The following SLF1 variants were observed in gnomAD, a reference collection of about 807,000 sequenced individuals.
SLF1 encodes the protein SMC5/6 complex localization factor 1.
Under a neutral mutation model 123.0 loss-of-function variants are expected in SLF1, and 105 were observed. The ratio of observed to expected loss-of-function variants is 0.85; its 90% CI spans 0.73 to 1.00. The LOEUF is 1.00. Ranked by LOEUF, SLF1 falls within the 50% of genes least tolerant of loss-of-function variation. SLF1 has a pLI of 0.00. For missense variants in SLF1, 1,239 were observed against 1,223.0 expected (o/e 1.01, Z -0.20); for synonymous variants, 434 against 406.6 (o/e 1.07, Z -0.81).
At chr5:94,680,011 G>C (rs189696908) in intron 15 of SLF1, among the ~76,000 whole-genome samples, 1 of 151,706 alleles carries the variant, frequency 6.6e-6, no homozygotes, top group Admixed American at 6.6e-5. Context: ...GTTTTTTTGT[G>C]GTTCTTACCT....
chr5:94,672,520 A>AT (rs34801795), intron 14 of SLF1, among the ~76,000 whole-genome samples: 103 of 139,570 alleles, frequency 7.4e-4, no homozygotes, highest in African/African-American at 2.0e-3. Flanking sequence ...CCCCATATAG[A>AT]TTTTTTTTTT....
intron 1 of SLF1, among the ~76,000 whole-genome samples, chr5:94,624,377 G>T (rs1792049548): frequency 6.6e-6 from 1 of 152,110 alleles, no homozygotes; most frequent in Non-Finnish European, 1.5e-5. Context: ...GACAGAAAAT[G>T]CTGTTAAATA....
At chr5:94,645,956 A>G (rs1221796507) in intron 5 of SLF1, among the ~76,000 whole-genome samples, 2 of 152,204 alleles carry the variant, frequency 1.3e-5, no homozygotes, top group Non-Finnish European at 2.9e-5. Context: ...ATGTAAAATG[A>G]CTGAGTTAAT....
intron 4 of SLF1, among the ~76,000 whole-genome samples, chr5:94,635,283 ACT>A (rs1745628692): frequency 8.1e-6 from 1 of 123,450 alleles, no homozygotes; most frequent in Non-Finnish European, 1.6e-5. Context: ...CTTCATTTTC[ACT>A]CTGTGTGTCC....
intron 6 of SLF1, among the ~76,000 whole-genome samples, 200 bp downstream of exon 6, chr5:94,649,797 A>G (rs1747467675): frequency 6.6e-6 from 1 of 152,188 alleles, no homozygotes; most frequent in Admixed American, 6.6e-5. Context: ...TTGTATGCAT[A>G]TAGAAATACA....
intron 4 of SLF1, among the ~76,000 whole-genome samples, chr5:94,642,722 C>T (rs1746581948): frequency 6.6e-6 from 1 of 151,872 alleles, no homozygotes; most frequent in Non-Finnish European, 1.5e-5. Context: ...TTGTGTGTGT[C>T]TTCTTAGTCT....
chr5:94,665,949 C>G lies in SLF1; in HGVS notation c.1457C>G (p.Ser486Trp), dbSNP rs200577425. 4 of 1,551,104 alleles carry G rather than the reference C, an allele frequency of 2.6e-6. No individual in the cohort carries two copies. Among genetic ancestry groups the G allele is most frequent in the African/African-American group, 1.4e-5 (1 of 73,114 alleles). ...LHPPWKSPAM[S>W]RYYLELFQCP... ...CCTCCTTGGAAGTCTCCAGCCATGT[C>G]GAGATATTATTTAGAGTTGTTTCAG... The change falls in exon 12 of 21, where the codon TCG (serine) becomes TGG (tryptophan). Residue 486 changes from serine (S) to tryptophan (W), a missense_variant. Coordinates refer to ENST00000265140, the MANE Select transcript of SLF1 (RefSeq NM_032290.4).
intron 1 of SLF1, among the ~76,000 whole-genome samples, chr5:94,623,743 AT>A (rs1160454114): frequency 1.3e-5 from 2 of 152,122 alleles, no homozygotes. Flanking sequence ...GGTTATTGAT[AT>A]ATGTTAAACC....
intron 15 of SLF1, among the ~76,000 whole-genome samples, chr5:94,681,426 C>A (rs753110500): frequency 2.6e-5 from 4 of 152,210 alleles, no homozygotes; most frequent in Non-Finnish European, 4.4e-5. Flanking sequence ...CCACTGCGCC[C>A]AGCCAAAAGT....
Position 94,686,562 on chromosome 5 carries a change from A to G in SLF1, c.1976-11A>G, listed in dbSNP as rs759985411. On this transcript the variant is annotated splice_polypyrimidine_tract_variant and intron_variant, in intron 15 of 20. Transcript: ENST00000265140. ...AGCAATAACTATATTAACTTACCTT[A>G]TGTTCTCCAGACTTTTCTTCACAGG... 2.5e-6 allele frequency: 4 copies of G among 1,612,886 alleles called. No homozygotes were observed. The South Asian group carries it at 3.3e-5, about 13-fold the overall frequency.
chr5:94,689,646 T>C, intron 18 of SLF1, 40 bp downstream of exon 18: 1 of 1,565,934 alleles, frequency 6.4e-7, no homozygotes, highest in South Asian at 1.2e-5. Context: ...TAAGAACTTT[T>C]CATGGTTATA....
At chr5:94,635,945 A>G (rs1745720135) in intron 4 of SLF1, among the ~76,000 whole-genome samples, 1 of 152,200 alleles carries the variant, frequency 6.6e-6, no homozygotes, top group Non-Finnish European at 1.5e-5. Context: ...TATAGCTTAA[A>G]GAACTTTCTT....
intron 7 of SLF1, among the ~76,000 whole-genome samples, chr5:94,652,584 C>G (rs1747868637): frequency 6.6e-6 from 1 of 152,114 alleles, no homozygotes; most frequent in Non-Finnish European, 1.5e-5. Context: ...CTTTGGGCTT[C>G]TTTTTATTGG....
intron 9 of SLF1, among the ~76,000 whole-genome samples, chr5:94,660,796 G>A (rs550103305): frequency 6.6e-6 from 1 of 152,194 alleles, no homozygotes; most frequent in African/African-American, 2.4e-5. Context: ...GTGGGACAGG[G>A]TTTCTGCCAG....
At chr5:94,630,452 A>G (rs1199120454) in intron 3 of SLF1, 51 bp from the exon 4 acceptor site, 3 of 1,509,616 alleles carry the variant, frequency 2.0e-6, no homozygotes, top group Non-Finnish European at 2.7e-6. Flanking sequence ...ATTGTTTATC[A>G]TTTATCAGAA....
At chr5:94,650,191 A>C (rs1747529273) in intron 6 of SLF1, among the ~76,000 whole-genome samples, 1 of 152,164 alleles carries the variant, frequency 6.6e-6, no homozygotes, top group Admixed American at 6.5e-5. Flanking sequence ...GTTCACTTTC[A>C]TATTGTGTTT....
chr5:94,641,695 T>C (rs1746466394), intron 4 of SLF1, among the ~76,000 whole-genome samples: 1 of 152,226 alleles, frequency 6.6e-6, no homozygotes, highest in Non-Finnish European at 1.5e-5. Context: ...TTCTCTGTTG[T>C]TACTCAGCTT....
At position 94,695,557 on chromosome 5, in the gene SLF1, TTTCA is replaced by T. The variant is rs1753465759; in HGVS notation, c.*248_*251del. On this transcript the variant is annotated 3_prime_UTR_variant, in exon 21 of 21. Transcript: ENST00000265140. ...ATAATTTTGTTTTAGTATATTCTACTTTCATTAATGTTTTTTTGTTCTGAAAGTG... is the reference window on the plus strand; with the variant it reads ...ATAATTTTGTTTTAGTATATTCTACTTTAATGTTTTTTTGTTCTGAAAGTG... The T allele has an allele frequency of 4.0e-6, 1 of 249,448 alleles. No individual in the cohort carries two copies. The highest frequency in any genetic ancestry group is 1.2e-4 in the South Asian group (1 of 8,214). The allele number at this position is 249,448 out of a possible 1,614,324, so 15.5% of individuals were successfully genotyped here. A position where few individuals can be genotyped will look rare whatever the true frequency, so the allele number is the denominator to read the frequency against.
At position 94,694,970 on chromosome 5, in the gene SLF1, A is replaced by G. The variant is rs147078220; in HGVS notation, c.2835A>G (p.Lys945=). 4.1e-4 allele frequency: 665 copies of G among 1,612,704 alleles called. 1 individual carries two copies. Among genetic ancestry groups the G allele is most frequent in the Non-Finnish European group, 3.4e-4 (400 of 1,179,160 alleles). The change falls in exon 21 of 21, where the codon AAA becomes AAG. Residue 945 remains lysine, a synonymous_variant. Coordinates refer to ENST00000265140, the MANE Select transcript of SLF1 (RefSeq NM_032290.4). ...AGAACTTTCATGCACAAGCAGAGAA[A>G]CATTTTCATTACCAGCAACTTGAAT... is the stretch of plus-strand genomic sequence containing the variant. ...TVENFHAQAE[K]HFHYQQLEFG...
Sources: allele counts gnomAD v4.1 joint callset (sites outside exome capture counted in the v4.1 genomes callset), GRCh38; gene constraint gnomAD v4.1.1; transcripts MANE v1.5; gene names NCBI Gene and HGNC (gene_info 2026-07-23, HGNC 2026-07-21).